Variants in NXPH1 observed in about 807,000 individuals in gnomAD.
NXPH1 encodes the protein neurexophilin 1.
Under a neutral mutation model 23.7 loss-of-function variants are expected in NXPH1, and 5 were observed. The observed-to-expected ratio is 0.21, with a 90% CI of 0.11 to 0.44. The LOEUF (loss-of-function observed/expected upper bound fraction) is 0.44. Ranked by LOEUF, NXPH1 falls within the 20% of genes least tolerant of loss-of-function variation. NXPH1 has a pLI of 0.99. For synonymous variants in NXPH1, 144 were observed against 122.2 expected (o/e 1.18, Z -1.18); for missense variants, 324 against 321.6 (o/e 1.01, Z -0.06).
At chr7:8,580,942 C>T (rs1818856176) in intron 2 of NXPH1, among the ~76,000 whole-genome samples, 1 of 151,988 alleles carries the variant, frequency 6.6e-6, no homozygotes, top group Non-Finnish European at 1.5e-5. Flanking sequence ...AAAACATAAC[C>T]ATCAATTCTT....
At chr7:8,649,958 T>G (rs1300440727) in intron 2 of NXPH1, among the ~76,000 whole-genome samples, 1 of 152,190 alleles carries the variant, frequency 6.6e-6, no homozygotes, top group African/African-American at 2.4e-5. Flanking sequence ...AAGGAGGGAC[T>G]GAAATACTAT....
At chr7:8,450,116 C>G (rs7796164) in intron 2 of NXPH1, among the ~76,000 whole-genome samples, 73,326 of 152,064 alleles carry the variant, frequency 0.48, 18,815 homozygotes, top group East Asian at 0.77. Context: ...TACATAACAT[C>G]TGTATCTCTT....
intron 2 of NXPH1, among the ~76,000 whole-genome samples, chr7:8,675,818 C>T (rs947797711): frequency 3.3e-5 from 5 of 152,116 alleles, no homozygotes; most frequent in Non-Finnish European, 5.9e-5. Flanking sequence ...GGGTCTCTTT[C>T]TTGTGTTTTA....
chr7:8,630,996 A>T (rs1186310866), intron 2 of NXPH1, among the ~76,000 whole-genome samples: 1 of 152,072 alleles, frequency 6.6e-6, no homozygotes, highest in Non-Finnish European at 1.5e-5. Context: ...CTCATCATCT[A>T]GTTCCCACTT....
At chr7:8,512,708 C>T (rs753904547) in intron 2 of NXPH1, among the ~76,000 whole-genome samples, 22 of 152,144 alleles carry the variant, frequency 1.4e-4, no homozygotes, top group African/African-American at 3.9e-4. Context: ...TTCTTACTAA[C>T]GGTAACAAAT....
At chr7:8,446,712 T>C (rs116714624) in intron 2 of NXPH1, among the ~76,000 whole-genome samples, 3,567 of 152,246 alleles carry the variant, frequency 0.023, 142 homozygotes, top group African/African-American at 0.081. Flanking sequence ...ACATAGTGTA[T>C]AGATCTCTAA....
intron 2 of NXPH1, among the ~76,000 whole-genome samples, chr7:8,519,969 G>A (rs757570036): frequency 6.6e-6 from 1 of 152,054 alleles, no homozygotes; most frequent in Non-Finnish European, 1.5e-5. Flanking sequence ...AGTAGCTACA[G>A]ATAAATTTCT....
intron 2 of NXPH1, among the ~76,000 whole-genome samples, chr7:8,578,975 G>A (rs1234906317): frequency 2.0e-5 from 3 of 152,180 alleles, no homozygotes; most frequent in Non-Finnish European, 4.4e-5. Flanking sequence ...CTCAGGTATG[G>A]ATGGAGCAGG....
chr7:8,537,625 A>G (rs1297525337), intron 2 of NXPH1, among the ~76,000 whole-genome samples: 1 of 152,074 alleles, frequency 6.6e-6, no homozygotes, highest in African/African-American at 2.4e-5. Flanking sequence ...ACAGTTCAAG[A>G]TGAGATTTGA....
At chr7:8,650,435 G>C (rs1387497683) in intron 2 of NXPH1, among the ~76,000 whole-genome samples, 5 of 152,114 alleles carry the variant, frequency 3.3e-5, no homozygotes, top group African/African-American at 9.7e-5. Context: ...ACAGCTTCTT[G>C]GAATGAGCCT....
rs537668922 is a variant in NXPH1 at position 8,735,561 on chromosome 7, A to G, written c.55-15447A>G. ...TGCCAGTATTTTATTGAGGATTTTCACATTGATGTTCATCAGGGATATTGG... is the reference window on the plus strand; with the variant it reads ...TGCCAGTATTTTATTGAGGATTTTCGCATTGATGTTCATCAGGGATATTGG... On this transcript the variant is annotated intron_variant, in intron 2 of 2. Transcript: ENST00000405863. Among the ~76,000 whole-genome samples the G allele has an allele frequency of 3.3e-5, 5 of 152,144 alleles. No individual in the cohort carries two copies. The East Asian group carries it at 9.7e-4, about 29-fold the overall frequency.
In NXPH1 at chr7:8,560,026, T is replaced by G. The variant is rs10233977; in HGVS notation, c.54+124259T>G. On this transcript the variant is annotated intron_variant, in intron 2 of 2. Transcript: ENST00000405863. The stretch of plus-strand genomic sequence containing the variant: ...TGCATTTGCCGTCTTTAGGCATTAT[T>G]TATGAAGAAAACAAAGAAGGACTCC... Among the ~76,000 whole-genome samples the G allele has an allele frequency of 9.4e-3, 1,420 of 151,810 alleles. 21 individuals carry two copies. The highest frequency in any genetic ancestry group is 0.033 in the African/African-American group (1,368 of 41,494).
At chr7:8,674,886 A>C (rs976363643) in intron 2 of NXPH1, among the ~76,000 whole-genome samples, 1 of 152,114 alleles carries the variant, frequency 6.6e-6, no homozygotes, top group African/African-American at 2.4e-5. Context: ...CGACCTAGAA[A>C]CCGAGGCCAG....
chr7:8,580,506 T>A (rs1009779191), intron 2 of NXPH1, among the ~76,000 whole-genome samples: 2 of 152,100 alleles, frequency 1.3e-5, no homozygotes, highest in Non-Finnish European at 2.9e-5. Context: ...GGAGAGAGGC[T>A]GATCCTTGGA....
chr7:8,649,322 C>CT (rs58989567), intron 2 of NXPH1, among the ~76,000 whole-genome samples: 106,634 of 151,744 alleles, frequency 0.7, 38,293 homozygotes, highest in East Asian at 1. Flanking sequence ...TATTTCTTTC[C>CT]TTTTTTTGTA....
At chr7:8,612,207 T>A (rs956430684) in intron 2 of NXPH1, among the ~76,000 whole-genome samples, 1 of 151,654 alleles carries the variant, frequency 6.6e-6, no homozygotes. Context: ...TCTCCATCCC[T>A]CTTTCTTTTT....
At chr7:8,447,343 C>A (rs1315404465) in intron 2 of NXPH1, among the ~76,000 whole-genome samples, 1 of 152,214 alleles carries the variant, frequency 6.6e-6, no homozygotes, top group Non-Finnish European at 1.5e-5. Context: ...ATGCAAGCCA[C>A]TGCATGTGAA....
At chr7:8,601,917 G>C (rs912224338) in intron 2 of NXPH1, among the ~76,000 whole-genome samples, 2 of 152,220 alleles carry the variant, frequency 1.3e-5, no homozygotes, top group Admixed American at 6.5e-5. Flanking sequence ...AGTCCAGACC[G>C]AAGACCAATG....
At chr7:8,449,990 T>G (rs997722602) in intron 2 of NXPH1, among the ~76,000 whole-genome samples, 6 of 152,232 alleles carry the variant, frequency 3.9e-5, no homozygotes, top group African/African-American at 7.2e-5. Context: ...TTAGGAAGTC[T>G]GCATCTATTG....
Sources: gnomAD v4.1 joint callset for allele counts (sites outside exome capture counted in the v4.1 genomes callset) on GRCh38, gnomAD v4.1.1 for gene constraint, MANE v1.5 for transcripts, NCBI Gene and HGNC (gene_info 2026-07-23, HGNC 2026-07-21) for gene names.